CHP1: variants seen among roughly 807,000 people sequenced by gnomAD.
The protein encoded by CHP1 is calcineurin like EF-hand protein 1.
CHP1 carries 11 observed loss-of-function variants against 27.4 expected under a neutral mutation model. The ratio of observed to expected loss-of-function variants is 0.40; its 90% confidence interval spans 0.25 to 0.67. The LOEUF (loss-of-function observed/expected upper bound fraction) is 0.67, where lower values mean the gene tolerates loss of function less well. Among genes scored for constraint, CHP1 ranks in the 30% least tolerant of loss-of-function variants. The probability of loss-of-function intolerance (pLI) is 0.38; values close to 1 mark genes in which losing one functional copy is unlikely to be tolerated. For missense variants in CHP1, 169 were observed against 251.3 expected (o/e 0.67, Z 2.22); for synonymous variants, 89 against 87.4 (o/e 1.02, Z -0.10).
intron 2 of CHP1, among the ~76,000 whole-genome samples, chr15:41,244,083 A>G (rs2047320964): frequency 6.6e-6 from 1 of 151,908 alleles, no homozygotes; most frequent in Admixed American, 6.6e-5. Context: ...CTGTAATCCC[A>G]GCTACTCAGG....
intron 4 of CHP1, 123 bp from the exon 5 acceptor site, chr15:41,270,434 A>T (rs1393739913): frequency 1.4e-6 from 1 of 712,072 alleles, no homozygotes; most frequent in Non-Finnish European, 2.5e-6. Flanking sequence ...AGTAATGGCA[A>T]TTGTTCTTGG....
chr15:41,245,741 G>A (rs759135147), intron 2 of CHP1, among the ~76,000 whole-genome samples: 20 of 152,100 alleles, frequency 1.3e-4, no homozygotes, highest in Non-Finnish European at 2.9e-5. Flanking sequence ...GTGGAATGGT[G>A]GGTCATATGA....
intron 2 of CHP1, among the ~76,000 whole-genome samples, chr15:41,246,522 C>G (rs1347203421): frequency 2.0e-5 from 3 of 146,436 alleles, no homozygotes; most frequent in Admixed American, 6.9e-5. Flanking sequence ...GTTTCACCAT[C>G]TTGGCCAGGC....
At position 41,250,778 on chromosome 15, in the gene CHP1, T is replaced by C. The variant is rs533853913; in HGVS notation, c.141-6132T>C. On this transcript the variant is annotated intron_variant, in intron 2 of 6. Coordinates refer to ENST00000334660, the MANE Select transcript of CHP1 (RefSeq NM_007236.5). ...AAAGAATACTTCACAATAAGATATA[T>C]ATAGATGAAATTTCAGAATATCAAG... Among the ~76,000 whole-genome samples the C allele has an allele frequency of 6.6e-5, 10 of 151,124 alleles. No homozygotes were observed. The South Asian group carries it at 2.1e-3, about 31-fold the overall frequency.
At chr15:41,274,458 T>C (rs1363777078) in intron 5 of CHP1, among the ~76,000 whole-genome samples, 1 of 152,120 alleles carries the variant, frequency 6.6e-6, no homozygotes, top group Non-Finnish European at 1.5e-5. Flanking sequence ...TCTCACTACA[T>C]TTCCCAGGCT....
intron 5 of CHP1, among the ~76,000 whole-genome samples, chr15:41,273,745 G>A (rs1160485173): frequency 6.6e-6 from 1 of 150,622 alleles, no homozygotes; most frequent in Non-Finnish European, 1.5e-5. Flanking sequence ...TTCTTAAATC[G>A]ATAAAGAATA....
At chr15:41,254,822 G>A (rs2047390449) in intron 2 of CHP1, among the ~76,000 whole-genome samples, 1 of 152,154 alleles carries the variant, frequency 6.6e-6, no homozygotes, top group African/African-American at 2.4e-5. Context: ...ATTATCTTCC[G>A]TCTTTGCTAG....
At chr15:41,270,268 G>T (rs533709557) in intron 4 of CHP1, among the ~76,000 whole-genome samples, 12 of 151,704 alleles carry the variant, frequency 7.9e-5, no homozygotes, top group East Asian at 1.9e-4. Flanking sequence ...GAGTGTTTTG[G>T]GGGGGGGCGT....
At chr15:41,264,386 G>A (rs2047450128) in intron 4 of CHP1, among the ~76,000 whole-genome samples, 1 of 152,102 alleles carries the variant, frequency 6.6e-6, no homozygotes, top group Non-Finnish European at 1.5e-5. Context: ...GCAGACTTCA[G>A]GATGAGATAG....
At chr15:41,248,668 T>A (rs1287898103) in intron 2 of CHP1, among the ~76,000 whole-genome samples, 2 of 152,062 alleles carry the variant, frequency 1.3e-5, no homozygotes, top group East Asian at 3.9e-4. Flanking sequence ...ATCCCAGCAC[T>A]TTGGGAGGCT....
chr15:41,250,519 A>C (rs1350910396), intron 2 of CHP1, among the ~76,000 whole-genome samples: 1 of 152,070 alleles, frequency 6.6e-6, no homozygotes, highest in African/African-American at 2.4e-5. Flanking sequence ...GTGAGCCAAG[A>C]TCATGCCATT....
intron 2 of CHP1, among the ~76,000 whole-genome samples, chr15:41,252,317 C>T (rs7165776): frequency 0.031 from 4,646 of 151,536 alleles, 259 homozygotes; most frequent in African/African-American, 0.11. Context: ...TACAGGCACC[C>T]GCCACCACGC....
chr15:41,265,841 G>C (rs2047457484), intron 4 of CHP1, among the ~76,000 whole-genome samples: 1 of 152,150 alleles, frequency 6.6e-6, no homozygotes, highest in South Asian at 2.1e-4. Context: ...TCTAAGCCAC[G>C]GTGAGAGAAT....
In CHP1 at chr15:41,233,479, A is replaced by G. The variant is rs1393110403; in HGVS notation, c.67+2030A>G. Among the ~76,000 whole-genome samples, 8 of 152,294 alleles carry G rather than the reference A, an allele frequency of 5.3e-5. No homozygotes were observed. The East Asian group carries it at 1.5e-3, about 29-fold the overall frequency. On this transcript the variant is annotated intron_variant, in intron 1 of 6. Coordinates refer to ENST00000334660, the MANE Select transcript of CHP1 (RefSeq NM_007236.5). ...TGCTCATGGAAAAGCTGTTTTCCCC[A>G]TTGCCAAAGAGTGAGTCACTTGTGA... is the stretch of plus-strand genomic sequence containing the variant.
intron 5 of CHP1, among the ~76,000 whole-genome samples, chr15:41,273,746 A>G (rs1035712549): frequency 6.6e-6 from 1 of 151,660 alleles, no homozygotes; most frequent in Non-Finnish European, 1.5e-5. Flanking sequence ...TCTTAAATCG[A>G]TAAAGAATAT....
chr15:41,263,279 A>G (rs950598693), intron 4 of CHP1, among the ~76,000 whole-genome samples: 12 of 152,228 alleles, frequency 7.9e-5, no homozygotes, highest in African/African-American at 2.7e-4. Flanking sequence ...GTTAAGTGCT[A>G]GCATGGCAAT....
intron 2 of CHP1, among the ~76,000 whole-genome samples, chr15:41,252,985 C>T (rs778889136): frequency 8.9e-5 from 10 of 112,442 alleles, no homozygotes; most frequent in Non-Finnish European, 1.3e-4. Context: ...TGTCACCAGG[C>T]TGGAGTGCAG....
intron 3 of CHP1, among the ~76,000 whole-genome samples, chr15:41,259,994 T>C (rs549988985): frequency 1.9e-4 from 29 of 152,258 alleles, no homozygotes; most frequent in Non-Finnish European, 3.2e-4. Context: ...CCTCCCAGAG[T>C]GCTGGGATTA....
chr15:41,250,852 A>G (rs1470845028), intron 2 of CHP1, among the ~76,000 whole-genome samples: 4 of 149,730 alleles, frequency 2.7e-5, no homozygotes, highest in African/African-American at 7.4e-5. Context: ...TTTTTTTGAG[A>G]CAGAGTCTCG....
Sources: gnomAD v4.1 joint callset for allele counts (sites outside exome capture counted in the v4.1 genomes callset) on GRCh38, gnomAD v4.1.1 for gene constraint, MANE v1.5 for transcripts, NCBI Gene and HGNC (gene_info 2026-07-23, HGNC 2026-07-21) for gene names.